The following DGKD variants were observed in gnomAD, a reference collection of about 807,000 sequenced individuals.
The protein encoded by DGKD is DAG kinase delta.
In DGKD, 68 loss-of-function variants were observed where a neutral mutation model predicts 154.4. The ratio of observed to expected loss-of-function variants is 0.44; its 90% CI spans 0.36 to 0.54. DGKD has a LOEUF of 0.54. Among genes scored for constraint, DGKD ranks in the 20% least tolerant of loss-of-function variants. The probability of loss-of-function intolerance (pLI) is 0.00; values close to 1 mark genes in which losing one functional copy is unlikely to be tolerated. For synonymous variants in DGKD, 693 were observed against 638.0 expected (o/e 1.09, Z -1.30); for missense variants, 1,343 against 1,593.6 (o/e 0.84, Z 2.68).
At chr2:233,416,495 G>A (rs1013854229) in intron 3 of DGKD, among the ~76,000 whole-genome samples, 6 of 152,154 alleles carry the variant, frequency 3.9e-5, no homozygotes, top group African/African-American at 1.2e-4. Context: ...CAAGGGCTTC[G>A]GGTAGCTTAT....
At chr2:233,456,475 G>A (rs2124909654) in intron 19 of DGKD, among the ~76,000 whole-genome samples, 1 of 152,316 alleles carries the variant, frequency 6.6e-6, no homozygotes, top group South Asian at 2.1e-4. Context: ...TAGCACGTGT[G>A]GAGGGTGCCT....
chr2:233,391,453 G>A (rs1264585032), intron 3 of DGKD, among the ~76,000 whole-genome samples: 5 of 152,008 alleles, frequency 3.3e-5, no homozygotes, highest in Admixed American at 2.6e-4. Flanking sequence ...GCTCATGTCA[G>A]CTGATCTAAA....
chr2:233,434,591 G>T (rs1246421317), intron 4 of DGKD, 107 bp downstream of exon 4: 3 of 1,428,908 alleles, frequency 2.1e-6, no homozygotes, highest in Non-Finnish European at 2.9e-6. Context: ...TGGAGCTCAC[G>T]TTCTTAGCAT....
At chr2:233,397,541 G>A (rs889497013) in intron 3 of DGKD, among the ~76,000 whole-genome samples, 1 of 130,794 alleles carries the variant, frequency 7.6e-6, no homozygotes, top group East Asian at 2.7e-4. Flanking sequence ...TGGCTGGGGG[G>A]GGGGGGCAGA....
chr2:233,448,091 A>G lies in DGKD; in HGVS notation c.1424A>G (p.Gln475Arg). ...GGCCATTTGGGGTGATTGCAGGTAC[A>G]GCAGATTCTCTTCTATGAAGACTCG... ...TEDFSEDSEV[Q>R]QILFYEDSVA... The change falls in exon 13 of 30, where the codon CAG becomes CGG. Residue 475 changes from glutamine to arginine, a missense_variant. Transcript: ENST00000264057. 6 of 1,614,082 alleles carry G rather than the reference A, an allele frequency of 3.7e-6. No homozygotes were observed. The highest frequency in any genetic ancestry group is 3.4e-6 in the Non-Finnish European group (4 of 1,180,022).
intron 2 of DGKD, 27 bp downstream of exon 2, chr2:233,388,394 G>T: frequency 1.9e-6 from 3 of 1,599,384 alleles, no homozygotes; most frequent in Non-Finnish European, 2.6e-6. Context: ...GAAAGCACAC[G>T]CGAGGACATC....
At chr2:233,367,459 C>G (rs1702084803) in intron 1 of DGKD, among the ~76,000 whole-genome samples, 1 of 152,084 alleles carries the variant, frequency 6.6e-6, no homozygotes, top group Non-Finnish European at 1.5e-5. Flanking sequence ...GAACCCATGA[C>G]CTCAAGTGAT....
At chr2:233,400,411 C>T (rs1315946569) in intron 3 of DGKD, among the ~76,000 whole-genome samples, 2 of 152,182 alleles carry the variant, frequency 1.3e-5, no homozygotes, top group African/African-American at 2.4e-5. Context: ...TCCCACAGGG[C>T]CCTTTGCCCT....
intron 24 of DGKD, among the ~76,000 whole-genome samples, chr2:233,460,603 G>A (rs970836637): frequency 1.8e-4 from 27 of 152,094 alleles, no homozygotes; most frequent in African/African-American, 3.9e-4. Context: ...AAACCTGCCC[G>A]GGCTCAGCCG....
At chr2:233,456,717 C>T (rs6709877) in intron 19 of DGKD, among the ~76,000 whole-genome samples, 182 bp from the exon 20 acceptor site, 2,006 of 152,212 alleles carry the variant, frequency 0.013, 35 homozygotes, top group African/African-American at 0.046. Flanking sequence ...TATTGGTAAA[C>T]GTATCTTTTT....
rs138310257 is a variant in DGKD, at chr2:233,444,296, C to T, written c.1195-1327C>T. ...CTGCCTGTTTCTCACTAATTGTGTC[C>T]TCAGTCCTGCCACCCACAGTACCCT... On this transcript the variant is annotated intron_variant, in intron 10 of 29. Transcript: ENST00000264057. Among the ~76,000 whole-genome samples the T allele has an allele frequency of 2.9e-4, 44 of 152,230 alleles. 1 individual carries two copies. Among genetic ancestry groups the T allele is most frequent in the African/African-American group, 9.9e-4 (41 of 41,554 alleles).
At chr2:233,465,697 AAAAG>A (rs1252362155) in intron 27 of DGKD, among the ~76,000 whole-genome samples, 2 of 152,226 alleles carry the variant, frequency 1.3e-5, no homozygotes, top group Non-Finnish European at 2.9e-5. Flanking sequence ...TTTATATTGT[AAAAG>A]AAAGTAAAGG....
chr2:233,409,867 G>A (rs1431597123), intron 3 of DGKD, among the ~76,000 whole-genome samples: 1 of 148,996 alleles, frequency 6.7e-6, no homozygotes, highest in Non-Finnish European at 1.5e-5. Context: ...TGTGCAGAAG[G>A]GTTGGCCCTG....
Position 233,449,071 on chromosome 2 carries a change from A to G in DGKD, c.1615-32A>G. On this transcript the variant is annotated intron_variant, in intron 14 of 29. Transcript: ENST00000264057. The surrounding 1 kb of genome is among the most constrained non-coding windows in gnomAD (Gnocchi z 5.3). ...CCTGCAGACCCTGTTCTCCTGCCTC[A>G]GCTCTGCATGCCATTTCCTTTCCTT... The G allele has an allele frequency of 2.6e-6, 4 of 1,560,694 alleles. No homozygotes were observed. The highest frequency in any genetic ancestry group is 3.5e-6 in the Non-Finnish European group (4 of 1,146,560).
intron 3 of DGKD, among the ~76,000 whole-genome samples, chr2:233,424,884 G>C (rs2062239528): frequency 6.6e-6 from 1 of 152,180 alleles, no homozygotes; most frequent in Admixed American, 6.5e-5. Context: ...GTGTAAGCCA[G>C]AGTCCACCCT....
chr2:233,446,540 C>T (rs934346822), intron 11 of DGKD, among the ~76,000 whole-genome samples, 172 bp from the exon 12 acceptor site: 5 of 152,242 alleles, frequency 3.3e-5, no homozygotes, highest in Non-Finnish European at 4.4e-5. Flanking sequence ...TTGTGGAGTG[C>T]AGACATTTGT....
intron 19 of DGKD, among the ~76,000 whole-genome samples, chr2:233,456,545 A>G (rs1286897428): frequency 1.3e-5 from 2 of 152,116 alleles, no homozygotes; most frequent in Admixed American, 6.5e-5. Flanking sequence ...GTGCTTTTCT[A>G]TATTTTCCAG....
chr2:233,433,791 A>AT (rs567738475), intron 3 of DGKD, among the ~76,000 whole-genome samples: 5 of 152,134 alleles, frequency 3.3e-5, no homozygotes, highest in Admixed American at 1.3e-4. Context: ...TATCAGGAAG[A>AT]TTTTTTTTCT....
chr2:233,447,096 G>A (rs756037232), intron 12 of DGKD, among the ~76,000 whole-genome samples: 11 of 152,140 alleles, frequency 7.2e-5, no homozygotes, highest in South Asian at 4.1e-4. Context: ...CCTCAGCTGC[G>A]CAGTGAGCCC....
Sources: gnomAD v4.1 joint callset for allele counts (sites outside exome capture counted in the v4.1 genomes callset) on GRCh38, gnomAD v4.1.1 for gene constraint, Gnocchi (gnomAD v3.1) non-coding constraint, MANE v1.5 for transcripts, NCBI Gene and HGNC (gene_info 2026-07-23, HGNC 2026-07-21) for gene names.